SCAPER: variants seen among roughly 807,000 people sequenced by gnomAD.
SCAPER encodes S-phase cyclin A associated protein in the ER, also known as S phase cyclin A-associated protein in the endoplasmic reticulum.
SCAPER carries 98 observed loss-of-function variants against 182.2 expected under a neutral mutation model. That is an observed-to-expected ratio of 0.54 (90% CI 0.46 to 0.64). SCAPER has a LOEUF of 0.64. SCAPER is among the 30% of genes least tolerant of loss of function. SCAPER has a pLI of 0.00. For missense variants in SCAPER, 1,432 were observed against 1,690.0 expected (o/e 0.85, Z 2.68); for synonymous variants, 605 against 564.6 (o/e 1.07, Z -1.01).
chr15:76,527,031 C>T (rs1469631968), intron 23 of SCAPER, among the ~76,000 whole-genome samples: 2 of 151,888 alleles, frequency 1.3e-5, no homozygotes, highest in Non-Finnish European at 2.9e-5. Context: ...AACACCATGA[C>T]TGGCTAATTT....
chr15:76,710,233 A>G (rs181899052), intron 17 of SCAPER, among the ~76,000 whole-genome samples: 15 of 152,196 alleles, frequency 9.9e-5, no homozygotes, highest in Admixed American at 8.5e-4. Flanking sequence ...AACAAACTTT[A>G]TTCACAGATG....
chr15:76,683,032 C>A (rs372834846), intron 20 of SCAPER, among the ~76,000 whole-genome samples: 12 of 152,208 alleles, frequency 7.9e-5, no homozygotes, highest in African/African-American at 2.9e-4. Flanking sequence ...ATTAGTTCCC[C>A]GGGAATGGTT....
intron 31 of SCAPER, 60 bp from the exon 32 acceptor site, chr15:76,348,796 T>TCATA: frequency 9.7e-7 from 1 of 1,035,464 alleles, no homozygotes; most frequent in Non-Finnish European, 1.4e-6. Context: ...CTTTGAAGAT[T>TCATA]CATAAATTAA....
chr15:76,564,989 C>G (rs1317837305), intron 23 of SCAPER, among the ~76,000 whole-genome samples: 1 of 152,056 alleles, frequency 6.6e-6, no homozygotes, highest in Non-Finnish European at 1.5e-5. Flanking sequence ...TAAACTGGAC[C>G]CATTCCTTAT....
chr15:76,621,415 A>C (rs2052039364), intron 22 of SCAPER, among the ~76,000 whole-genome samples: 1 of 152,192 alleles, frequency 6.6e-6, no homozygotes, highest in Non-Finnish European at 1.5e-5. Flanking sequence ...TTGCTTTGCC[A>C]GAACCTGATC....
chr15:76,440,120 C>A (rs2047460212), intron 25 of SCAPER, among the ~76,000 whole-genome samples: 1 of 152,116 alleles, frequency 6.6e-6, no homozygotes, highest in Admixed American at 6.5e-5. Flanking sequence ...AGAATCAAAT[C>A]TTTTCATTTT....
rs1366546935 is a variant in SCAPER, at chr15:76,445,415, T to C, written c.3079-11105A>G. On this transcript the variant is annotated intron_variant, in intron 25 of 31. Coordinates refer to ENST00000563290, the MANE Select transcript of SCAPER (RefSeq NM_020843.4). Reference sequence around the variant, plus strand: ...ATTTTTAAATTATATTCTGGAAACTTTGTGTATGATAAGACTGTATCTTAT... The same window carrying C: ...ATTTTTAAATTATATTCTGGAAACTCTGTGTATGATAAGACTGTATCTTAT... 2.6e-5 allele frequency among the ~76,000 whole-genome samples: 4 copies of C among 152,174 alleles called. No individual in the cohort carries two copies. The East Asian group carries it at 7.7e-4, about 29-fold the overall frequency.
At chr15:76,427,934 A>C (rs1259204600) in intron 26 of SCAPER, among the ~76,000 whole-genome samples, 1 of 28,546 alleles carries the variant, frequency 3.5e-5, no homozygotes, top group Non-Finnish European at 5.9e-5. Context: ...ACTCCATCTC[A>C]AAAAAAAAAA....
intron 5 of SCAPER, among the ~76,000 whole-genome samples, chr15:76,830,806 G>A (rs1455662689): frequency 1.3e-5 from 2 of 151,890 alleles, no homozygotes; most frequent in African/African-American, 4.8e-5. Flanking sequence ...AAAACATCAA[G>A]TAGACTGGCA....
At position 76,765,440 on chromosome 15, in the gene SCAPER, G is replaced by A. The variant is rs777576989; in HGVS notation, c.1510C>T (p.Arg504Cys). The A allele has an allele frequency of 7.4e-6, 12 of 1,613,610 alleles. No homozygotes were observed. Among genetic ancestry groups the A allele is most frequent in the East Asian group, 2.2e-5 (1 of 44,888 alleles). ...ATGTCCCCCCAGGATGTATTTTGGC[G>A]CCAAGACTCACGAGCTGTTCAGAAA... ...LADYEARESW[R>C]QNTSWGDIVE... The change falls in exon 13 of 32, where the codon CGC (arginine) becomes TGC (cysteine). Residue 504 changes from arginine (R) to cysteine (C), a missense_variant. Physicochemically the swap from Arg to Cys is radical, Grantham distance 180 (BLOSUM62 -3). Around this residue, in one of 5 missense-constraint regions of SCAPER, gnomAD observed 128 missense variants for 149.9 expected, o/e 0.85. Transcript: ENST00000563290.
intron 25 of SCAPER, among the ~76,000 whole-genome samples, chr15:76,439,778 C>T (rs1464291584): frequency 1.3e-5 from 2 of 152,208 alleles, no homozygotes; most frequent in Non-Finnish European, 2.9e-5. Flanking sequence ...TCCCAGCATG[C>T]ATCAGTGTTT....
Position 76,501,925 on chromosome 15 carries a change from C to T in SCAPER, c.2954+2934G>A, listed in dbSNP as rs549492356. ...TCATGTCCACCAGTATGCTCTTATT[C>T]TACATTTAAATCTGAAGTGGTTACA... On this transcript the variant is annotated intron_variant, in intron 24 of 31. Coordinates refer to ENST00000563290, the MANE Select transcript of SCAPER (RefSeq NM_020843.4). 1.1e-4 allele frequency among the ~76,000 whole-genome samples: 17 copies of T among 152,318 alleles called. 1 individual carries two copies. In the East Asian group the frequency reaches 3.3e-3, roughly 29 times the overall value.
chr15:76,460,765 C>T (rs898361568), intron 25 of SCAPER, among the ~76,000 whole-genome samples: 2 of 152,034 alleles, frequency 1.3e-5, no homozygotes, highest in African/African-American at 4.8e-5. Flanking sequence ...GTTTAATGAC[C>T]CTTTCCTCTG....
At chr15:76,885,506 C>A (rs559421996) in intron 1 of SCAPER, among the ~76,000 whole-genome samples, 31 of 152,304 alleles carry the variant, frequency 2.0e-4, no homozygotes, top group Non-Finnish European at 4.1e-4. Context: ...CATTTTGAGA[C>A]AGGGTCTGGC....
At chr15:76,766,896 G>C (rs2063150936) in intron 11 of SCAPER, 22 bp downstream of exon 11, 1 of 1,574,524 alleles carries the variant, frequency 6.4e-7, no homozygotes, top group Non-Finnish European at 8.6e-7. Context: ...GAATAGTTAT[G>C]TTAAAAAGTC....
chr15:76,374,823 T>C (rs887743307), intron 29 of SCAPER, among the ~76,000 whole-genome samples: 1 of 152,054 alleles, frequency 6.6e-6, no homozygotes, highest in Admixed American at 6.5e-5. Context: ...TTGTCAGGAA[T>C]TACTATTTGA....
intron 25 of SCAPER, among the ~76,000 whole-genome samples, chr15:76,452,442 A>C (rs1279502386): frequency 3.3e-5 from 5 of 152,210 alleles, no homozygotes; most frequent in African/African-American, 9.6e-5. Flanking sequence ...ATTGGCACAA[A>C]GTATACACTG....
At chr15:76,489,329 T>C (rs1166722508) in intron 24 of SCAPER, among the ~76,000 whole-genome samples, 2 of 151,140 alleles carry the variant, frequency 1.3e-5, no homozygotes, top group Non-Finnish European at 3.0e-5. Context: ...TTATACACAA[T>C]TAACATTAGC....
chr15:76,377,157 T>C (rs904382661), intron 28 of SCAPER, among the ~76,000 whole-genome samples: 1 of 152,208 alleles, frequency 6.6e-6, no homozygotes, highest in Non-Finnish European at 1.5e-5. Context: ...TTAGTGGGCT[T>C]GAACCAGGTT....
Sources: allele counts gnomAD v4.1 joint callset (sites outside exome capture counted in the v4.1 genomes callset), GRCh38; gene constraint gnomAD v4.1.1; regional missense constraint gnomAD v4.1.1; transcripts MANE v1.5; gene names NCBI Gene and HGNC (gene_info 2026-07-23, HGNC 2026-07-21).